Variants in USP30 observed in about 807,000 individuals in gnomAD.
USP30 encodes ubiquitin carboxyl-terminal hydrolase 30.
Under a neutral mutation model 68.2 loss-of-function variants are expected in USP30, and 41 were observed. That is an observed-to-expected ratio of 0.60 (90% CI 0.47 to 0.78). The LOEUF is 0.78. USP30 is among the 30% of genes least tolerant of loss of function. The pLI is 0.00. For synonymous variants in USP30, 229 were observed against 253.7 expected, an observed-to-expected ratio of 0.90 and a Z score of 0.93; for missense variants, 522 against 649.4, an observed-to-expected ratio of 0.80 and a Z score of 2.13.
intron 11 of USP30, among the ~76,000 whole-genome samples, chr12:109,084,404 G>T (rs983886879): frequency 2.6e-5 from 4 of 152,192 alleles, no homozygotes; most frequent in African/African-American, 9.7e-5. Flanking sequence ...AAAGCAAATA[G>T]AATGCTTAGA....
At position 109,056,717 on chromosome 12, in the gene USP30, G is replaced by T; in HGVS notation, c.119G>T (p.Gly40Val). The change falls in exon 2 of 13, where the codon GGA becomes GTA. Residue 40 changes from glycine to valine, a missense_variant. Physicochemically the swap from Gly to Val is moderately radical, Grantham distance 109. Transcript: ENST00000257548. ...KVMKNWGVIG[G>V]IAAALAAGIY... ...ATGAAGAACTGGGGAGTTATAGGTG[G>T]AATTGCTGCTGCTCTTGCAGCAGGA... is the stretch of plus-strand genomic sequence containing the variant. 1 of 1,612,442 alleles carries T rather than the reference G, an allele frequency of 6.2e-7. No homozygotes were observed. Among genetic ancestry groups the T allele is most frequent in the Non-Finnish European group, 8.5e-7 (1 of 1,179,568 alleles).
intron 3 of USP30, among the ~76,000 whole-genome samples, chr12:109,063,351 T>G (rs1395621939): frequency 1.3e-5 from 2 of 152,204 alleles, no homozygotes; most frequent in Non-Finnish European, 2.9e-5. Context: ...TCTGCCCACC[T>G]CAGCCTCCCA....
chr12:109,028,487 T>C (rs895541544), intron 3 of USP30, among the ~76,000 whole-genome samples: 1 of 151,886 alleles, frequency 6.6e-6, no homozygotes, highest in African/African-American at 2.4e-5. Flanking sequence ...TGTTGTTGTT[T>C]TTGTTTTGAG....
intron 1 of USP30, chr12:109,054,936 A>G (rs1378340408): frequency 6.6e-6 from 1 of 152,148 alleles, no homozygotes; most frequent in Non-Finnish European, 1.5e-5. Flanking sequence ...ACCACCAGTG[A>G]CTCTTCACCA....
At chr12:109,083,938 G>A (rs1483754635) in intron 11 of USP30, among the ~76,000 whole-genome samples, 1 of 152,158 alleles carries the variant, frequency 6.6e-6, no homozygotes, top group Non-Finnish European at 1.5e-5. Context: ...AAGAGATGAG[G>A]TAGGGGACAG....
chr12:109,034,408 G>C (rs2040504025), intron 3 of USP30, among the ~76,000 whole-genome samples: 1 of 152,112 alleles, frequency 6.6e-6, no homozygotes, highest in Non-Finnish European at 1.5e-5. Flanking sequence ...CTTGAGGAAT[G>C]TTTCATAAGC....
chr12:109,083,078 G>C lies in USP30; in HGVS notation c.1168+16G>C, dbSNP rs756191999. 2 of 1,571,804 alleles carry C rather than the reference G, an allele frequency of 1.3e-6. No individual in the cohort carries two copies. The highest frequency in any genetic ancestry group is 2.4e-5 in the South Asian group (2 of 84,964). ...CCCACACCAGGTGTGTGCGCGCGAG[G>C]AGCCGATGCAGCAGGAATTTTCAGC... On this transcript the variant is annotated intron_variant, in intron 11 of 12. Coordinates refer to ENST00000257548, the MANE Select transcript of USP30 (RefSeq NM_032663.5).
At chr12:109,078,411 G>A (rs1293878046) in intron 7 of USP30, among the ~76,000 whole-genome samples, 1 of 150,780 alleles carries the variant, frequency 6.6e-6, no homozygotes, top group Non-Finnish European at 1.5e-5. Context: ...GCGACAGAGT[G>A]AGACTGAGTC....
At chr12:109,083,543 G>T (rs912244324) in intron 11 of USP30, among the ~76,000 whole-genome samples, 1 of 152,072 alleles carries the variant, frequency 6.6e-6, no homozygotes, top group Non-Finnish European at 1.5e-5. Flanking sequence ...ATTTAAGCCG[G>T]GTAGCTATTA....
intron 3 of USP30, among the ~76,000 whole-genome samples, chr12:109,039,825 G>C (rs930199118): frequency 6.6e-6 from 1 of 152,166 alleles, no homozygotes; most frequent in Admixed American, 6.5e-5. Flanking sequence ...TGGCCAGGAT[G>C]ATCTCGATCT....
At chr12:109,065,222 A>AT (rs1416602978) in intron 3 of USP30, among the ~76,000 whole-genome samples, 4 of 151,998 alleles carry the variant, frequency 2.6e-5, no homozygotes, top group Non-Finnish European at 4.4e-5. Context: ...AGGCTTCTGT[A>AT]TTTTTTTCTC....
chr12:109,038,127 C>T (rs1199064411), intron 3 of USP30, among the ~76,000 whole-genome samples: 1 of 151,922 alleles, frequency 6.6e-6, no homozygotes, highest in East Asian at 1.9e-4. Flanking sequence ...AGGTATTTAG[C>T]CCAACATTCA....
rs2041954608 is a variant in USP30 at position 109,086,651 on chromosome 12, T to A, written c.*720T>A. On this transcript the variant is annotated 3_prime_UTR_variant, in exon 13 of 13. Coordinates refer to ENST00000257548, the MANE Select transcript of USP30 (RefSeq NM_032663.5). ...TTTGTATATTGGACTGAGATGTAAT[T>A]ACACTGTATTATAAAACTCTGTGAA... The A allele has an allele frequency of 6.6e-6, 1 of 152,300 alleles. No homozygotes were observed. The highest frequency in any genetic ancestry group is 1.5e-5 in the Non-Finnish European group (1 of 68,074). 9.4% of individuals were successfully genotyped at this position (152,300 alleles called of 1,614,324 possible). A position where few individuals can be genotyped will look rare whatever the true frequency, so the allele number is the denominator to read the frequency against.
intron 6 of USP30, 80 bp from the exon 7 acceptor site, chr12:109,073,358 C>T: frequency 4.1e-6 from 4 of 970,190 alleles, no homozygotes; most frequent in South Asian, 4.1e-5. Context: ...GTTTCTACCA[C>T]ATGCTAGAAA....
At chr12:109,031,752 CAA>C (rs1323286307) in intron 3 of USP30, among the ~76,000 whole-genome samples, 1 of 151,998 alleles carries the variant, frequency 6.6e-6, no homozygotes, top group Non-Finnish European at 1.5e-5. Flanking sequence ...CCAGTAACAA[CAA>C]AAAAATATTG....
chr12:109,076,204 CA>C (rs776862697), intron 7 of USP30, among the ~76,000 whole-genome samples: 50 of 152,130 alleles, frequency 3.3e-4, no homozygotes, highest in South Asian at 1.0e-3. Flanking sequence ...AATTTATTTT[CA>C]AATTGTTTGC....
intron 8 of USP30, chr12:109,081,662 CAG>C (rs2041807021): frequency 1.7e-6 from 1 of 574,062 alleles, no homozygotes. Context: ...CACACACACA[CAG>C]ACATTAACCT....
In USP30 at chr12:109,058,075, T is replaced by G. The variant is rs764672926; in HGVS notation, c.343T>G (p.Tyr115Asp). 3 of 1,613,458 alleles carry G rather than the reference T, an allele frequency of 1.9e-6. No individual in the cohort carries two copies. In the African/African-American group the frequency reaches 4.0e-5, roughly 22 times the overall value. ...TCAGAAGGAGCCCCCCTCACACCAG[T>G]ATTTATCCTTAACACTCTTGCACCT... ...RDQKEPPSHQ[Y>D]LSLTLLHLLK... Residue 115 changes from tyrosine (Y) to aspartate (D), a missense_variant, in exon 3 of 13, where the codon TAT becomes GAT. Tyr to Asp is a radical substitution (Grantham distance 160, BLOSUM62 -3). Transcript: ENST00000257548.
intron 3 of USP30, among the ~76,000 whole-genome samples, chr12:109,029,345 A>G (rs939357260): frequency 6.6e-6 from 1 of 152,206 alleles, no homozygotes; most frequent in African/African-American, 2.4e-5. Context: ...CTGACAGACT[A>G]AAAGTTTTTA....
Sources: gnomAD v4.1 joint callset for allele counts (sites outside exome capture counted in the v4.1 genomes callset) on GRCh38, gnomAD v4.1.1 for gene constraint, MANE v1.5 for transcripts, NCBI Gene and HGNC (gene_info 2026-07-23, HGNC 2026-07-21) for gene names.